Variants in PRDM12 observed in about 807,000 individuals in gnomAD.
The protein encoded by PRDM12 is PR/SET domain 12.
In PRDM12, 17 loss-of-function variants were observed where a neutral mutation model predicts 29.6. That is an observed-to-expected ratio of 0.57 (90% CI 0.39 to 0.86). PRDM12 has a LOEUF of 0.86. PRDM12 is among the 40% of genes least tolerant of loss of function. PRDM12 has a pLI of 0.00. For missense variants in PRDM12, 422 were observed against 510.8 expected, an observed-to-expected ratio of 0.83 and a Z score of 1.68; for synonymous variants, 231 against 225.8, an observed-to-expected ratio of 1.02 and a Z score of -0.21.
In PRDM12 at chr9:130,666,762, C is replaced by T. The variant is rs1460632087; in HGVS notation, c.378C>T (p.His126=). 2 of 1,611,630 alleles carry T rather than the reference C, an allele frequency of 1.2e-6. No homozygotes were observed. The highest frequency in any genetic ancestry group is 2.7e-5 in the African/African-American group (2 of 74,806). Reference sequence around the variant, plus strand: ...CCGGCCGCGTGATCGCCCCGGAGCACGTGGACATCTGCAAGAACAACAACC... The same window carrying T: ...CCGGCCGCGTGATCGCCCCGGAGCATGTGGACATCTGCAAGAACAACAACC... ...PFTGRVIAPE[H]VDICKNNNLM... Residue 126 remains histidine (H), a synonymous_variant, in exon 2 of 5, where the codon CAC becomes CAT. Coordinates refer to ENST00000253008, the MANE Select transcript of PRDM12 (RefSeq NM_021619.3).
intron 4 of PRDM12, among the ~76,000 whole-genome samples, chr9:130,680,659 A>ATATATATATATATATTTTTTTT: frequency 2.8e-5 from 2 of 72,162 alleles, no homozygotes; most frequent in African/African-American, 1.6e-4. Flanking sequence ...ATATATATAT[A>ATATATATATATATATTTTTTTT]TTTTTTTTTT....
intron 3 of PRDM12, among the ~76,000 whole-genome samples, chr9:130,676,315 C>A (rs1315110099): frequency 1.3e-5 from 2 of 151,930 alleles, no homozygotes; most frequent in Non-Finnish European, 2.9e-5. Context: ...ACGGTGAAAC[C>A]CCGTCTCTAC....
At chr9:130,680,759 G>A (rs1412185261) in intron 4 of PRDM12, among the ~76,000 whole-genome samples, 1 of 149,202 alleles carries the variant, frequency 6.7e-6, no homozygotes, top group Non-Finnish European at 1.5e-5. Context: ...TAGGCATTCA[G>A]TAAATGTTTG....
chr9:130,677,595 G>A (rs1830854755), intron 3 of PRDM12, among the ~76,000 whole-genome samples: 1 of 152,248 alleles, frequency 6.6e-6, no homozygotes, highest in Non-Finnish European at 1.5e-5. Context: ...CCTTGGGAGA[G>A]TGATAGGATG....
intron 3 of PRDM12, among the ~76,000 whole-genome samples, chr9:130,673,313 T>C (rs1179230850): frequency 1.3e-5 from 2 of 152,140 alleles, no homozygotes; most frequent in Non-Finnish European, 2.9e-5. Flanking sequence ...AAGCTGCAGG[T>C]TCCTGGGTTT....
intron 3 of PRDM12, among the ~76,000 whole-genome samples, chr9:130,672,506 A>G (rs1830798075): frequency 6.6e-6 from 1 of 152,222 alleles, no homozygotes; most frequent in Admixed American, 6.5e-5. Flanking sequence ...ATTAAAAAAT[A>G]GAATCTGCTC....
chr9:130,679,936 C>T (rs923183863), intron 4 of PRDM12, among the ~76,000 whole-genome samples: 15 of 151,858 alleles, frequency 9.9e-5, no homozygotes, highest in African/African-American at 3.4e-4. Flanking sequence ...GCTGGGATTA[C>T]AGGCATGAGG....
chr9:130,681,433 GTGC>G lies in PRDM12; in HGVS notation c.869_871del (p.Val290_Arg291delinsGly). 6.3e-7 allele frequency: 1 copy of G among 1,597,374 alleles called. No homozygotes were observed. Among genetic ancestry groups the G allele is most frequent in the Non-Finnish European group, 8.5e-7 (1 of 1,175,546 alleles). On this transcript the variant is annotated inframe_deletion, in exon 5 of 5. Coordinates refer to ENST00000253008, the MANE Select transcript of PRDM12 (RefSeq NM_021619.3). The surrounding 1 kb of genome is among the most constrained non-coding windows in gnomAD (Gnocchi z 8.1). ...CCAGTCGTCCACGCTGCGCAACCAC[GTGC>G]GCCTGCACACGGGCGAGCGCCCCTA...
intron 4 of PRDM12, among the ~76,000 whole-genome samples, chr9:130,679,500 T>A (rs1165732445): frequency 6.6e-6 from 1 of 151,954 alleles, no homozygotes. Flanking sequence ...GCCCAGCTAA[T>A]CTTTGCATTT....
At chr9:130,665,004 G>T in intron 1 of PRDM12, 128 bp downstream of exon 1, 1 of 961,040 alleles carries the variant, frequency 1.0e-6, no homozygotes, top group East Asian at 2.7e-5. Context: ...GGGCTCTCCC[G>T]GCGCTCGGTG....
chr9:130,681,367 G>A lies in PRDM12; in HGVS notation c.802G>A (p.Asp268Asn). Residue 268 changes from aspartate (D) to asparagine (N), a missense_variant, in exon 5 of 5, where the codon GAC becomes AAC. By Grantham distance (23) the Asp-to-Asn change is conservative (BLOSUM62 1). This residue lies in a region of PRDM12 where 28 missense variants were observed against 18.3 expected (regional missense o/e 1.53). Coordinates refer to ENST00000253008, the MANE Select transcript of PRDM12 (RefSeq NM_021619.3). The surrounding 1 kb of genome is among the most constrained non-coding windows in gnomAD (Gnocchi z 8.1). Reference protein sequence around the residue: ...LRSHMRIHTLDKPFVCRFCNR... With the variant: ...LRSHMRIHTLNKPFVCRFCNR... Reference sequence around the variant, plus strand: ...CTCGCACATGCGCATCCACACGCTGGACAAGCCCTTCGTGTGCCGCTTCTG... The same window carrying A: ...CTCGCACATGCGCATCCACACGCTGAACAAGCCCTTCGTGTGCCGCTTCTG... 1.9e-6 allele frequency: 3 copies of A among 1,590,560 alleles called. No individual in the cohort carries two copies. Among genetic ancestry groups the A allele is most frequent in the Non-Finnish European group, 2.6e-6 (3 of 1,170,078 alleles).
At chr9:130,680,635 ATATATATATATATAT>A (rs1263555347) in intron 4 of PRDM12, among the ~76,000 whole-genome samples, 1 of 81,996 alleles carries the variant, frequency 1.2e-5, no homozygotes, top group Non-Finnish European at 2.0e-5. Context: ...AAAAAAAAAA[ATATATATATATATAT>A]ATATATATAT....
chr9:130,674,495 TG>T (rs1200661830), intron 3 of PRDM12, among the ~76,000 whole-genome samples: 26 of 64,742 alleles, frequency 4.0e-4, no homozygotes, highest in African/African-American at 1.4e-3. Context: ...AGATAATTTG[TG>T]TGTGTGTGTG....
At position 130,664,732 on chromosome 9, in the gene PRDM12, G is replaced by T. The variant is rs1171429137; in HGVS notation, c.79G>T (p.Val27Phe). 1.2e-6 allele frequency: 2 copies of T among 1,610,672 alleles called. No homozygotes were observed. The highest frequency in any genetic ancestry group is 1.1e-5 in the South Asian group (1 of 90,908). The change falls in exon 1 of 5, where the codon GTT (valine) becomes TTT (phenylalanine). Residue 27 changes from valine (V) to phenylalanine (F), a missense_variant. Physicochemically the swap from Val to Phe is conservative, Grantham distance 50. Coordinates refer to ENST00000253008, the MANE Select transcript of PRDM12 (RefSeq NM_021619.3). This position sits in a 1 kb window ranked among gnomAD's most constrained non-coding sequence, Gnocchi z 6.4. Reference protein sequence around the residue: ...LKAPGLALAEVITSDILHSFL... With the variant: ...LKAPGLALAEFITSDILHSFL... ...GGCGCCGGGACTGGCGCTGGCCGAG[G>T]TTATCACCTCCGACATCCTGCACAG...
rs973619064 is a variant in PRDM12, at chr9:130,664,967, C to T, written c.223+91C>T. ...ATGCGCGAGACGCGGCTGGGATACCCGGCCTCGCTGCTACTCGCGCCAACC... is the reference window on the plus strand; with the variant it reads ...ATGCGCGAGACGCGGCTGGGATACCTGGCCTCGCTGCTACTCGCGCCAACC... On this transcript the variant is annotated intron_variant, in intron 1 of 4. Transcript: ENST00000253008. The surrounding 1 kb of genome is among the most constrained non-coding windows in gnomAD (Gnocchi z 6.4). The T allele has an allele frequency of 8.4e-6, 11 of 1,307,444 alleles. No individual in the cohort carries two copies. In the African/African-American group the frequency reaches 1.5e-4, roughly 18 times the overall value. The allele number at this position is 1,307,444 out of a possible 1,614,324, so 81.0% of individuals were successfully genotyped here.
chr9:130,678,540 T>A lies in PRDM12; in HGVS notation c.582T>A (p.Pro194=). ...CTTCTTCCCTGCAGATGATCCCACCTGACCAGGAACTGCTGGTGTGGTACG... is the reference window on the plus strand; with the variant it reads ...CTTCTTCCCTGCAGATGATCCCACCAGACCAGGAACTGCTGGTGTGGTACG... ...IFYKAIEMIP[P]DQELLVWYGN... The change falls in exon 4 of 5, where the codon CCT becomes CCA. Residue 194 remains proline (P), a synonymous_variant. Transcript: ENST00000253008. 1 of 1,612,594 alleles carries A rather than the reference T, an allele frequency of 6.2e-7. No homozygotes were observed. Among genetic ancestry groups the A allele is most frequent in the Non-Finnish European group, 8.5e-7 (1 of 1,179,032 alleles).
chr9:130,678,581 C>T lies in PRDM12; in HGVS notation c.623C>T (p.Thr208Ile). ...LLVWYGNSHN[T>I]FLGIPGVPGL... ...GTGTGGTACGGAAACTCACACAACACCTTCCTGGGGATCCCAGGTGTGCCC... is the reference window on the plus strand; with the variant it reads ...GTGTGGTACGGAAACTCACACAACATCTTCCTGGGGATCCCAGGTGTGCCC... The change falls in exon 4 of 5, where the codon ACC becomes ATC. Residue 208 changes from threonine (T) to isoleucine (I), a missense_variant. By Grantham distance (89) the Thr-to-Ile change is moderately conservative. This residue lies in a region of PRDM12 where 300 missense variants were observed against 350.0 expected (regional missense o/e 0.86). Coordinates refer to ENST00000253008, the MANE Select transcript of PRDM12 (RefSeq NM_021619.3). 6.2e-7 allele frequency: 1 copy of T among 1,613,710 alleles called. No individual in the cohort carries two copies.
rs930727154 is a variant in PRDM12 at position 130,681,913 on chromosome 9, T to G, written c.*244T>G. The G allele has an allele frequency of 4.7e-6, 1 of 214,862 alleles. No individual in the cohort carries two copies. The highest frequency in any genetic ancestry group is 2.4e-5 in the African/African-American group (1 of 42,450). The allele number at this position is 214,862 out of a possible 1,614,324, so 13.3% of individuals were successfully genotyped here. On this transcript the variant is annotated 3_prime_UTR_variant, in exon 5 of 5. Coordinates refer to ENST00000253008, the MANE Select transcript of PRDM12 (RefSeq NM_021619.3). The surrounding 1 kb of genome is among the most constrained non-coding windows in gnomAD (Gnocchi z 8.1). ...CTGGTGCGGCTGTTCGGCCGCCTCC[T>G]CTGGGAGGGGGTCCCCCTGCCTGGC... is the stretch of plus-strand genomic sequence containing the variant.
At chr9:130,676,361 T>C (rs1017471867) in intron 3 of PRDM12, among the ~76,000 whole-genome samples, 10 of 151,868 alleles carry the variant, frequency 6.6e-5, no homozygotes, top group African/African-American at 1.5e-4. Flanking sequence ...GTGGGTGTGG[T>C]GGCGGGCACC....
Sources: gnomAD v4.1 joint callset for allele counts (sites outside exome capture counted in the v4.1 genomes callset) on GRCh38, gnomAD v4.1.1 for gene constraint, gnomAD v4.1.1 regional missense constraint, Gnocchi (gnomAD v3.1) non-coding constraint, MANE v1.5 for transcripts, NCBI Gene and HGNC (gene_info 2026-07-23, HGNC 2026-07-21) for gene names.